The following RABGAP1L variants were observed in gnomAD, a reference collection of about 807,000 sequenced individuals.
RABGAP1L encodes the protein RAB GTPase activating protein 1 like, also known as rab GTPase-activating protein 1-like.
In RABGAP1L, 63 loss-of-function variants were observed where a neutral mutation model predicts 137.7. The ratio of observed to expected loss-of-function variants is 0.46; its 90% confidence interval spans 0.37 to 0.56. The LOEUF is 0.56. Among genes scored for constraint, RABGAP1L ranks in the 20% least tolerant of loss-of-function variants. The pLI is 0.00. For synonymous variants in RABGAP1L, 431 were observed against 433.7 expected, an observed-to-expected ratio of 0.99 and a Z score of 0.08; for missense variants, 1,095 against 1,244.0, an observed-to-expected ratio of 0.88 and a Z score of 1.80.
At chr1:174,566,321 T>A (rs1475033710) in intron 13 of RABGAP1L, among the ~76,000 whole-genome samples, 1 of 152,156 alleles carries the variant, frequency 6.6e-6, no homozygotes, top group Non-Finnish European at 1.5e-5. Flanking sequence ...TTGTTTGTTT[T>A]AATTTCGTTT....
intron 12 of RABGAP1L, among the ~76,000 whole-genome samples, chr1:174,385,667 C>A: frequency 6.6e-6 from 1 of 152,160 alleles, no homozygotes; most frequent in East Asian, 1.9e-4. Flanking sequence ...CAAGAAAGTA[C>A]AACCAGTGAG....
intron 11 of RABGAP1L, among the ~76,000 whole-genome samples, chr1:174,345,978 A>T (rs1381848882): frequency 1.3e-5 from 2 of 152,100 alleles, no homozygotes; most frequent in Non-Finnish European, 2.9e-5. Flanking sequence ...GTTTATCAAA[A>T]TTTTTTAAGC....
chr1:174,889,128 CTTTT>C (rs34006510), intron 19 of RABGAP1L, among the ~76,000 whole-genome samples: 1 of 144,512 alleles, frequency 6.9e-6, no homozygotes. Flanking sequence ...TTAATTTTAA[CTTTT>C]TTTTTTTTTG....
At chr1:174,556,329 T>G (rs1164204331) in intron 13 of RABGAP1L, among the ~76,000 whole-genome samples, 1 of 152,144 alleles carries the variant, frequency 6.6e-6, no homozygotes, top group Non-Finnish European at 1.5e-5. Flanking sequence ...TCATTACATA[T>G]GTTCATTTTA....
At chr1:174,501,707 A>C (rs538990734) in intron 13 of RABGAP1L, among the ~76,000 whole-genome samples, 24 of 152,290 alleles carry the variant, frequency 1.6e-4, no homozygotes, top group African/African-American at 5.5e-4. Context: ...TGTTTTTTTA[A>C]AGAGATAGTA....
chr1:174,456,246 A>G (rs939436979), intron 13 of RABGAP1L, among the ~76,000 whole-genome samples: 4 of 152,088 alleles, frequency 2.6e-5, no homozygotes, highest in African/African-American at 9.7e-5. Flanking sequence ...AGAGGGTAAT[A>G]AAAAATTTAC....
At chr1:174,807,676 G>C (rs748104888) in intron 18 of RABGAP1L, among the ~76,000 whole-genome samples, 72 of 152,090 alleles carry the variant, frequency 4.7e-4, no homozygotes, top group Non-Finnish European at 9.6e-4. Context: ...TGGCAGCAAG[G>C]TTTTTGTTTT....
At chr1:174,433,610 C>A (rs536301077) in intron 13 of RABGAP1L, among the ~76,000 whole-genome samples, 1 of 152,252 alleles carries the variant, frequency 6.6e-6, no homozygotes, top group East Asian at 1.9e-4. Context: ...GTCTCACTTG[C>A]AGCTGGGCTG....
At chr1:174,541,750 T>C (rs572308879) in intron 13 of RABGAP1L, among the ~76,000 whole-genome samples, 114 of 152,004 alleles carry the variant, frequency 7.5e-4, no homozygotes, top group Non-Finnish European at 1.4e-3. Flanking sequence ...CACTCCAGCC[T>C]GGGTGACAGC....
chr1:174,490,042 T>G (rs1660070215), intron 13 of RABGAP1L, among the ~76,000 whole-genome samples: 1 of 152,172 alleles, frequency 6.6e-6, no homozygotes, highest in Non-Finnish European at 1.5e-5. Flanking sequence ...GAATTCTCTG[T>G]CTGAAAGGTA....
chr1:174,219,145 T>C lies in RABGAP1L; in HGVS notation c.-13T>C, dbSNP rs1669563501. On this transcript the variant is annotated 5_prime_UTR_variant, in exon 2 of 26. Transcript: ENST00000681986. ...TCCAGGTGGTTGTGGGAAGAGAAGT[T>C]TGCAGAACTGAAATGGAGGTCAGAG... The C allele has an allele frequency of 6.3e-7, 1 of 1,585,618 alleles. No individual in the cohort carries two copies. The highest frequency in any genetic ancestry group is 1.4e-5 in the African/African-American group (1 of 73,236).
At chr1:174,927,677 G>A (rs1040252893) in intron 19 of RABGAP1L, among the ~76,000 whole-genome samples, 1 of 152,156 alleles carries the variant, frequency 6.6e-6, no homozygotes, top group African/African-American at 2.4e-5. Flanking sequence ...TTGGCATCCC[G>A]AGTAGCTAGG....
At chr1:174,238,272 G>C (rs528756572) in intron 4 of RABGAP1L, among the ~76,000 whole-genome samples, 12 of 152,206 alleles carry the variant, frequency 7.9e-5, no homozygotes, top group African/African-American at 2.9e-4. Flanking sequence ...CTCTCAGCTC[G>C]TCAGTCATTC....
At chr1:174,589,849 T>A (rs2148124021) in intron 13 of RABGAP1L, among the ~76,000 whole-genome samples, 1 of 152,336 alleles carries the variant, frequency 6.6e-6, no homozygotes, top group East Asian at 1.9e-4. Flanking sequence ...CCGTGCTGTT[T>A]TGGTTGCAGT....
chr1:174,325,867 A>G (rs1680395457), intron 11 of RABGAP1L, among the ~76,000 whole-genome samples: 1 of 152,218 alleles, frequency 6.6e-6, no homozygotes, highest in Admixed American at 6.5e-5. Flanking sequence ...ATCATGCTGC[A>G]AGAAGCACAT....
intron 13 of RABGAP1L, among the ~76,000 whole-genome samples, chr1:174,548,883 A>C (rs1002924480): frequency 6.6e-6 from 1 of 152,226 alleles, no homozygotes; most frequent in Non-Finnish European, 1.5e-5. Flanking sequence ...TTAGAAAATA[A>C]TTTAAAACTA....
At chr1:174,791,778 T>A (rs1436051425) in intron 18 of RABGAP1L, among the ~76,000 whole-genome samples, 2 of 152,190 alleles carry the variant, frequency 1.3e-5, no homozygotes, top group Non-Finnish European at 1.5e-5. Flanking sequence ...CTGCCAAGGA[T>A]GTAGCTCCTT....
Position 174,981,550 on chromosome 1 carries a change from C to CTTTTTTTTTTTTTTTTTTT in RABGAP1L, c.2734-1271_2734-1253dup, listed in dbSNP as rs10556099. 4.5e-4 allele frequency among the ~76,000 whole-genome samples: 30 copies of CTTTTTTTTTTTTTTTTTTT among 66,432 alleles called. 4 individuals are homozygous for CTTTTTTTTTTTTTTTTTTT. Among genetic ancestry groups the CTTTTTTTTTTTTTTTTTTT allele is most frequent in the East Asian group, 1.3e-3 (2 of 1,486 alleles). The allele number at this position is 66,432 out of a possible 152,430, so 43.6% of individuals were successfully genotyped here. ...AATTTCACATCCCCTGTTTTTCCAT[C>CTTTTTTTTTTTTTTTTTTT]TTTTTTTTTTTTTTTTTTTTTTTTT... On this transcript the variant is annotated intron_variant, in intron 23 of 25. Transcript: ENST00000681986.
chr1:174,541,541 C>T (rs917623768), intron 13 of RABGAP1L, among the ~76,000 whole-genome samples: 1 of 152,118 alleles, frequency 6.6e-6, no homozygotes, highest in Admixed American at 6.5e-5. Flanking sequence ...CTTTTGGAGG[C>T]CAAGGCAGGC....
Sources: gnomAD v4.1 joint callset for allele counts (sites outside exome capture counted in the v4.1 genomes callset) on GRCh38, gnomAD v4.1.1 for gene constraint, MANE v1.5 for transcripts, NCBI Gene and HGNC (gene_info 2026-07-23, HGNC 2026-07-21) for gene names.